MCCC1: variants seen among roughly 807,000 people sequenced by gnomAD.
MCCC1 encodes the protein methylcrotonoyl-CoA carboxylase subunit alpha, mitochondrial.
A neutral mutation model predicts 83.8 loss-of-function variants in MCCC1; 64 were observed. That is an observed-to-expected ratio of 0.76 (90% CI 0.62 to 0.94). The LOEUF (loss-of-function observed/expected upper bound fraction) is 0.94, where lower values mean the gene tolerates loss of function less well. MCCC1 is among the 40% of genes least tolerant of loss of function. The probability of loss-of-function intolerance (pLI) is 0.00; values close to 1 mark genes in which losing one functional copy is unlikely to be tolerated. For synonymous variants in MCCC1, 322 were observed against 315.4 expected, an observed-to-expected ratio of 1.02 and a Z score of -0.22; for missense variants, 807 against 904.7, an observed-to-expected ratio of 0.89 and a Z score of 1.39.
chr3:183,068,899 T>C (rs1208745613), intron 7 of MCCC1, among the ~76,000 whole-genome samples: 2 of 152,222 alleles, frequency 1.3e-5, no homozygotes, highest in Non-Finnish European at 1.5e-5. Flanking sequence ...CTTAGGTGTG[T>C]AGTTGACTAT....
intron 7 of MCCC1, among the ~76,000 whole-genome samples, chr3:183,059,593 C>T (rs1426095782): frequency 6.6e-6 from 1 of 152,186 alleles, no homozygotes; most frequent in Admixed American, 6.5e-5. Context: ...CCTATTCCTT[C>T]TCTAATTCTT....
intron 15 of MCCC1, 54 bp downstream of exon 15, chr3:183,025,701 A>AT: frequency 6.9e-7 from 1 of 1,459,852 alleles, no homozygotes; most frequent in Non-Finnish European, 9.6e-7. Flanking sequence ...CCTATTCAGT[A>AT]TAAAAGCGGT....
chr3:183,106,448 C>T (rs1362325938), intron 1 of MCCC1, among the ~76,000 whole-genome samples: 3 of 150,358 alleles, frequency 2.0e-5, no homozygotes, highest in African/African-American at 7.5e-5. Context: ...AGAATAGTAC[C>T]CTTCACCTAG....
intron 16 of MCCC1, among the ~76,000 whole-genome samples, chr3:183,020,811 G>A (rs1712097153): frequency 6.6e-6 from 1 of 152,154 alleles, no homozygotes; most frequent in African/African-American, 2.4e-5. Flanking sequence ...TGTAATCCCA[G>A]CACTTTAGGA....
intron 1 of MCCC1, among the ~76,000 whole-genome samples, chr3:183,097,057 C>T (rs1301071684): frequency 6.6e-6 from 1 of 152,242 alleles, no homozygotes; most frequent in Non-Finnish European, 1.5e-5. Context: ...AGAGATCCCA[C>T]TTAACTGTAA....
At chr3:183,051,641 G>A (rs1209881434) in intron 9 of MCCC1, among the ~76,000 whole-genome samples, 1 of 152,144 alleles carries the variant, frequency 6.6e-6, no homozygotes, top group African/African-American at 2.4e-5. Flanking sequence ...ACAACACCAA[G>A]AGTGAGCCCT....
At chr3:183,045,365 C>T (rs1478355808) in intron 10 of MCCC1, 48 bp downstream of exon 10, 1 of 1,608,950 alleles carries the variant, frequency 6.2e-7, no homozygotes, top group African/African-American at 1.3e-5. Flanking sequence ...CAGGCTTGAG[C>T]CACCGCACCC....
At chr3:183,061,316 C>T (rs1715817565) in intron 7 of MCCC1, among the ~76,000 whole-genome samples, 1 of 152,170 alleles carries the variant, frequency 6.6e-6, no homozygotes, top group Non-Finnish European at 1.5e-5. Flanking sequence ...TGGCTAACTA[C>T]CTTCCCCCTG....
chr3:183,032,104 GCC>G (rs1197477441), intron 14 of MCCC1, among the ~76,000 whole-genome samples: 4 of 152,104 alleles, frequency 2.6e-5, no homozygotes, highest in Non-Finnish European at 5.9e-5. Flanking sequence ...ATAGAATACT[GCC>G]AAAAGGGTGT....
At chr3:183,020,309 A>G in intron 16 of MCCC1, 72 bp from the exon 17 acceptor site, 1 of 1,211,186 alleles carries the variant, frequency 8.3e-7, no homozygotes, top group Non-Finnish European at 1.2e-6. Flanking sequence ...TACCTGAGGT[A>G]ATAATTGTTT....
intron 9 of MCCC1, among the ~76,000 whole-genome samples, chr3:183,049,116 C>T (rs1714763877): frequency 6.6e-6 from 1 of 152,044 alleles, no homozygotes; most frequent in Non-Finnish European, 1.5e-5. Flanking sequence ...AAATTTATAG[C>T]ATTGAATGTA....
intron 4 of MCCC1, among the ~76,000 whole-genome samples, chr3:183,080,982 G>A (rs758632569): frequency 2.0e-5 from 3 of 152,172 alleles, no homozygotes; most frequent in Non-Finnish European, 2.9e-5. Context: ...CCCATAATAC[G>A]TGGGAATTGT....
At chr3:183,085,097 C>T (rs182371587) in intron 4 of MCCC1, among the ~76,000 whole-genome samples, 12 of 152,168 alleles carry the variant, frequency 7.9e-5, no homozygotes, top group Non-Finnish European at 1.5e-4. Context: ...AAATCAAATG[C>T]GGAATGATCA....
At chr3:183,076,643 A>C (rs1259576628) in intron 4 of MCCC1, among the ~76,000 whole-genome samples, 1 of 152,188 alleles carries the variant, frequency 6.6e-6, no homozygotes, top group Non-Finnish European at 1.5e-5. Context: ...GTGTGTATCC[A>C]TATCCCTGCC....
chr3:183,039,185 A>G, intron 11 of MCCC1, 50 bp from the exon 12 acceptor site: 1 of 1,518,320 alleles, frequency 6.6e-7, no homozygotes. Flanking sequence ...ACGAAGGAAT[A>G]AAATACAACG....
intron 7 of MCCC1, among the ~76,000 whole-genome samples, chr3:183,058,710 G>T (rs1159285785): frequency 1.3e-5 from 2 of 152,054 alleles, no homozygotes; most frequent in African/African-American, 4.8e-5. Context: ...CATATTAAGA[G>T]TGAATGCACA....
intron 8 of MCCC1, among the ~76,000 whole-genome samples, chr3:183,052,625 G>C (rs568507329): frequency 1.3e-5 from 2 of 151,752 alleles, no homozygotes; most frequent in Non-Finnish European, 2.9e-5. Flanking sequence ...TGGCTAACAC[G>C]GTGAAACCCT....
intron 1 of MCCC1, among the ~76,000 whole-genome samples, chr3:183,113,119 G>A (rs1468907919): frequency 6.6e-6 from 1 of 151,250 alleles, no homozygotes; most frequent in Non-Finnish European, 1.5e-5. Context: ...AGCTACTCGG[G>A]AGGCTGAGGC....
rs138139482 is a variant in MCCC1 at position 183,022,912 on chromosome 3, G to C, written c.1732-358C>G. Among the ~76,000 whole-genome samples the C allele has an allele frequency of 3.9e-3, 600 of 152,146 alleles. 2 individuals carry two copies. The highest frequency in any genetic ancestry group is 0.014 in the African/African-American group (565 of 41,530). On this transcript the variant is annotated intron_variant, in intron 15 of 18. Coordinates refer to ENST00000265594, the MANE Select transcript of MCCC1 (RefSeq NM_020166.5). Reference sequence around the variant, plus strand: ...TAAAATTCATTTGCATATATTACATGTTTGTAATATAAACTTATTTCTGAG... The same window carrying C: ...TAAAATTCATTTGCATATATTACATCTTTGTAATATAAACTTATTTCTGAG...
Sources: gnomAD v4.1 joint callset for allele counts (sites outside exome capture counted in the v4.1 genomes callset) on GRCh38, gnomAD v4.1.1 for gene constraint, MANE v1.5 for transcripts, NCBI Gene and HGNC (gene_info 2026-07-23, HGNC 2026-07-21) for gene names.